The following CEP83 variants were observed in gnomAD, a reference collection of about 807,000 sequenced individuals.
CEP83 encodes centrosomal protein of 83 kDa.
CEP83 carries 70 observed loss-of-function variants against 101.9 expected under a neutral mutation model. The observed-to-expected ratio is 0.69, with a 90% CI of 0.57 to 0.84. CEP83 has a LOEUF of 0.84. Ranked by LOEUF, CEP83 falls within the 40% of genes least tolerant of loss-of-function variation. CEP83 has a pLI of 0.00. For missense variants in CEP83, 715 were observed against 787.2 expected, an observed-to-expected ratio of 0.91 and a Z score of 1.10; for synonymous variants, 264 against 267.9, an observed-to-expected ratio of 0.99 and a Z score of 0.14.
intron 7 of CEP83, 62 bp downstream of exon 7, chr12:94,378,729 G>T (rs2061679096): frequency 1.3e-6 from 2 of 1,563,108 alleles, no homozygotes; most frequent in South Asian, 1.2e-5. Flanking sequence ...AAAATCAAAG[G>T]CTTGTCAACT....
At position 94,335,610 on chromosome 12, in the gene CEP83, A is replaced by ATTTTTTCAT; in HGVS notation, c.1397_1398insATGAAAAAA (p.Lys465_Asn466insLysTer). On this transcript the variant is annotated stop_gained, in exon 12 of 17. Transcript: ENST00000397809. LOFTEE classifies it high-confidence loss of function. ...ATACCTGTTTTAGGTCAGAATTTTC[A>ATTTTTTCAT]TTTTTTTCCTTCTCTGCATTTTCAA... The ATTTTTTCAT allele has an allele frequency of 6.3e-7, 1 of 1,582,756 alleles. No individual in the cohort carries two copies. The highest frequency in any genetic ancestry group is 8.6e-7 in the Non-Finnish European group (1 of 1,162,628).
chr12:94,455,055 A>C (rs187815064), intron 1 of CEP83, among the ~76,000 whole-genome samples: 98 of 152,272 alleles, frequency 6.4e-4, no homozygotes, highest in African/African-American at 2.2e-3. Context: ...AAGAACTGCA[A>C]CATTCACCAC....
At chr12:94,322,120 C>A (rs148667748) in intron 14 of CEP83, among the ~76,000 whole-genome samples, 4 of 152,178 alleles carry the variant, frequency 2.6e-5, no homozygotes, top group Non-Finnish European at 5.9e-5. Context: ...GGAGATCCTA[C>A]CTAGTGAGGA....
At chr12:94,289,450 G>A in the CEP83 span, among the ~76,000 whole-genome samples, 1 of 152,178 alleles carries the variant, frequency 6.6e-6, no homozygotes, top group Non-Finnish European at 1.5e-5. Flanking sequence ...CTCTGGGCTG[G>A]AGAAACAATC....
rs1969280172 is a variant in CEP83, at chr12:94,308,199, C to G, written c.*614G>C. The G allele has an allele frequency of 6.6e-6, 1 of 152,084 alleles. No homozygotes were observed. Among genetic ancestry groups the G allele is most frequent in the African/African-American group, 2.4e-5 (1 of 41,414 alleles). 9.4% of individuals were successfully genotyped at this position (152,084 alleles called of 1,614,324 possible). A position where few individuals can be genotyped will look rare whatever the true frequency, so the allele number is the denominator to read the frequency against. ...GGATTTAATTATTTGCACTTATTCT[C>G]TATTCTAACAAAGCCAAAATCAGTA... is the stretch of plus-strand genomic sequence containing the variant. On this transcript the variant is annotated 3_prime_UTR_variant, in exon 17 of 17. Coordinates refer to ENST00000397809, the MANE Select transcript of CEP83 (RefSeq NM_016122.3).
At chr12:94,378,742 A>C in intron 7 of CEP83, 49 bp downstream of exon 7, 1 of 1,591,856 alleles carries the variant, frequency 6.3e-7, no homozygotes, top group East Asian at 2.2e-5. Flanking sequence ...TGTCAACTGC[A>C]CTTTAAAAAA....
intron 14 of CEP83, among the ~76,000 whole-genome samples, chr12:94,331,318 A>AAAAAAAAAAAAATT (rs1267699635): frequency 2.6e-5 from 2 of 75,862 alleles, no homozygotes; most frequent in Non-Finnish European, 5.8e-5. Context: ...AAAAAAAAAG[A>AAAAAAAAAAAAATT]TTTAATTATA....
At chr12:94,376,686 T>TACACACACAC in intron 7 of CEP83, among the ~76,000 whole-genome samples, 1 of 87,770 alleles carries the variant, frequency 1.1e-5, no homozygotes, top group East Asian at 2.8e-4. Flanking sequence ...TATATATACA[T>TACACACACAC]ATATACACAC....
At chr12:94,412,693 CTTTT>C (rs11330562) in intron 2 of CEP83, 102 bp from the exon 3 acceptor site, 698 of 213,056 alleles carry the variant, frequency 3.3e-3, no homozygotes, top group South Asian at 4.9e-3. Flanking sequence ...TTTTTTTTTT[CTTTT>C]TTTTTTTTTT....
At chr12:94,313,269 C>CAA in intron 14 of CEP83, 2 of 227,162 alleles carry the variant, frequency 8.8e-6, no homozygotes, top group Admixed American at 5.9e-5. Context: ...ATAATTGCTG[C>CAA]AAAAAAAAAA....
the CEP83 span, among the ~76,000 whole-genome samples, chr12:94,286,606 T>A: frequency 7.9e-6 from 1 of 126,838 alleles, no homozygotes; most frequent in Non-Finnish European, 1.6e-5. Context: ...TCACTGTATG[T>A]GCTTAAAAGC....
chr12:94,422,502 C>G (rs2064836286), intron 2 of CEP83, among the ~76,000 whole-genome samples: 1 of 152,162 alleles, frequency 6.6e-6, no homozygotes, highest in African/African-American at 2.4e-5. Flanking sequence ...TTATATGCAG[C>G]ACATGAATGC....
chr12:94,438,609 C>T lies in CEP83; in HGVS notation c.-154-3282G>A, dbSNP rs186853041. Among the ~76,000 whole-genome samples the T allele has an allele frequency of 1.3e-3, 199 of 152,242 alleles. 1 individual carries two copies. Among genetic ancestry groups the T allele is most frequent in the African/African-American group, 4.6e-3 (191 of 41,540 alleles). ...AACAAAACAGTGAGAGACTTCAATA[C>T]TCCACTAACAGCACTAGACAAGTCA... On this transcript the variant is annotated intron_variant, in intron 1 of 16. Coordinates refer to ENST00000397809, the MANE Select transcript of CEP83 (RefSeq NM_016122.3).
At chr12:94,331,648 AG>A in intron 14 of CEP83, 51 bp downstream of exon 14, 1 of 1,576,096 alleles carries the variant, frequency 6.3e-7, no homozygotes. Context: ...CTGGGATTAC[AG>A]GTGTGAGCCA....
the CEP83 span, among the ~76,000 whole-genome samples, chr12:94,300,118 C>A: frequency 1.3e-5 from 2 of 152,168 alleles, no homozygotes; most frequent in African/African-American, 2.4e-5. Flanking sequence ...CAGTTAGTTG[C>A]TGGAGATATA....
At chr12:94,275,810 C>A in the CEP83 span, among the ~76,000 whole-genome samples, 3 of 83,480 alleles carry the variant, frequency 3.6e-5, no homozygotes, top group African/African-American at 5.2e-5. Context: ...AGCCGAGATC[C>A]CGCCACTGCA....
At chr12:94,455,891 CAA>C (rs944180103) in intron 1 of CEP83, among the ~76,000 whole-genome samples, 1 of 150,004 alleles carries the variant, frequency 6.7e-6, no homozygotes, top group Non-Finnish European at 1.5e-5. Flanking sequence ...ATTCAAAATA[CAA>C]AAAAAAAGCC....
chr12:94,378,394 G>A (rs993464665), intron 7 of CEP83, among the ~76,000 whole-genome samples: 2 of 152,072 alleles, frequency 1.3e-5, no homozygotes, highest in African/African-American at 4.8e-5. Flanking sequence ...TGTTCAAACA[G>A]GATTTGTGAC....
intron 6 of CEP83, 56 bp from the exon 7 acceptor site, chr12:94,379,098 G>A (rs1449652027): frequency 7.2e-7 from 1 of 1,395,124 alleles, no homozygotes; most frequent in African/African-American, 1.4e-5. Flanking sequence ...TTTCAGTCAT[G>A]AACATGCTTT....
Sources: allele counts gnomAD v4.1 joint callset (sites outside exome capture counted in the v4.1 genomes callset), GRCh38; gene constraint gnomAD v4.1.1; transcripts MANE v1.5; gene names NCBI Gene and HGNC (gene_info 2026-07-23, HGNC 2026-07-21).